The following BTRC variants were observed in gnomAD, a reference collection of about 807,000 sequenced individuals.
The protein encoded by BTRC is beta-transducin repeat containing E3 ubiquitin protein ligase.
In BTRC, 42 loss-of-function variants were observed where a neutral mutation model predicts 85.5. That is an observed-to-expected ratio of 0.49 (90% CI 0.38 to 0.64). The LOEUF is 0.64. BTRC is among the 30% of genes least tolerant of loss of function. BTRC has a pLI of 0.00. For missense variants in BTRC, 594 were observed against 743.5 expected, an observed-to-expected ratio of 0.80 and a Z score of 2.34; for synonymous variants, 255 against 263.3, an observed-to-expected ratio of 0.97 and a Z score of 0.30.
At chr10:101,436,700 C>G (rs1944542472) in intron 2 of BTRC, among the ~76,000 whole-genome samples, 1 of 152,026 alleles carries the variant, frequency 6.6e-6, no homozygotes, top group Non-Finnish European at 1.5e-5. Context: ...CTTTAGCTAT[C>G]AAGTGTAACC....
chr10:101,380,297 C>A (rs1942895929), intron 1 of BTRC, among the ~76,000 whole-genome samples: 1 of 151,592 alleles, frequency 6.6e-6, no homozygotes, highest in Non-Finnish European at 1.5e-5. Context: ...ATAAATAGAG[C>A]AAATATTTTG....
At chr10:101,378,968 T>A (rs1406757565) in intron 1 of BTRC, among the ~76,000 whole-genome samples, 1 of 152,234 alleles carries the variant, frequency 6.6e-6, no homozygotes, top group Non-Finnish European at 1.5e-5. Flanking sequence ...CATTGATGTA[T>A]CTGTTTTTAA....
At chr10:101,494,958 A>G (rs75538575) in intron 4 of BTRC, among the ~76,000 whole-genome samples, 2,662 of 152,306 alleles carry the variant, frequency 0.017, 74 homozygotes, top group East Asian at 0.063. Flanking sequence ...GTTTACAAGC[A>G]TAGGAAGAGA....
intron 2 of BTRC, among the ~76,000 whole-genome samples, chr10:101,438,403 C>T (rs759322466): frequency 9.2e-5 from 10 of 108,282 alleles, no homozygotes; most frequent in Middle Eastern, 0.012. Context: ...CCAGCCTGGG[C>T]GACAGAGCGA....
intron 1 of BTRC, among the ~76,000 whole-genome samples, chr10:101,402,308 G>A (rs1215528905): frequency 6.6e-6 from 1 of 152,152 alleles, no homozygotes; most frequent in Non-Finnish European, 1.5e-5. Flanking sequence ...GCTCTACAAA[G>A]CAGTAGAAAT....
chr10:101,370,625 C>CT (rs1942607453), intron 1 of BTRC, among the ~76,000 whole-genome samples: 1 of 151,170 alleles, frequency 6.6e-6, no homozygotes, highest in Admixed American at 6.6e-5. Context: ...CCCTCCCTCC[C>CT]TTTCTCCCAT....
At chr10:101,407,264 CTT>C (rs1439887172) in intron 1 of BTRC, among the ~76,000 whole-genome samples, 1 of 152,122 alleles carries the variant, frequency 6.6e-6, no homozygotes, top group Non-Finnish European at 1.5e-5. Context: ...AGGAGGATCT[CTT>C]GAGCTCAGGA....
At chr10:101,472,244 C>T (rs1249378618) in intron 3 of BTRC, among the ~76,000 whole-genome samples, 1 of 151,160 alleles carries the variant, frequency 6.6e-6, no homozygotes. Context: ...CCTTCCTTCC[C>T]CTTCCTTCCT....
chr10:101,495,448 A>G (rs1341627144), intron 4 of BTRC, among the ~76,000 whole-genome samples: 1 of 152,178 alleles, frequency 6.6e-6, no homozygotes, highest in South Asian at 2.1e-4. Context: ...AAATCACCGT[A>G]TTGCATTTAA....
intron 3 of BTRC, among the ~76,000 whole-genome samples, chr10:101,472,275 CTCTCTTCTCTTCTCTTCTCT>C (rs57342908): frequency 2.9e-4 from 33 of 114,244 alleles, no homozygotes; most frequent in African/African-American, 6.7e-4. Context: ...TTTTCTTTTC[CTCTCTTCTCTTCTCTTCTCT>C]TCTCTTCTCT....
chr10:101,417,511 T>A (rs757356574), intron 1 of BTRC, among the ~76,000 whole-genome samples: 4 of 152,242 alleles, frequency 2.6e-5, no homozygotes, highest in Non-Finnish European at 5.9e-5. Flanking sequence ...TTTCTTCCAA[T>A]ATTAGTGATA....
chr10:101,496,353 A>G (rs1344990820), intron 4 of BTRC, among the ~76,000 whole-genome samples: 12 of 152,184 alleles, frequency 7.9e-5, no homozygotes, highest in Admixed American at 2.0e-4. Flanking sequence ...GGTGTTGTCT[A>G]CCTTTTTCAT....
Position 101,538,286 on chromosome 10 carries a change from T to C in BTRC, c.1578-7T>C, listed in dbSNP as rs2062416304. 1 of 1,613,268 alleles carries C rather than the reference T, an allele frequency of 6.2e-7. No homozygotes were observed. The highest frequency in any genetic ancestry group is 8.5e-7 in the Non-Finnish European group (1 of 1,179,192). The stretch of plus-strand genomic sequence containing the variant: ...ACTAACATTTTTGTCCCCTTTTTGA[T>C]CTTTAGAAAAATTAAAGTGTGGGAT... On this transcript the variant is annotated splice_region_variant and splice_polypyrimidine_tract_variant and intron_variant, in intron 12 of 14. Transcript: ENST00000370187.
chr10:101,445,247 T>G (rs930713703), intron 2 of BTRC, among the ~76,000 whole-genome samples: 1 of 152,172 alleles, frequency 6.6e-6, no homozygotes, highest in Non-Finnish European at 1.5e-5. Flanking sequence ...GATTGTATAT[T>G]TGTAGGAGTA....
At chr10:101,540,128 G>T (rs1161962873) in intron 13 of BTRC, among the ~76,000 whole-genome samples, 1 of 152,144 alleles carries the variant, frequency 6.6e-6, no homozygotes, top group Non-Finnish European at 1.5e-5. Flanking sequence ...TTAATTTTAA[G>T]TCTACTGCAT....
At chr10:101,535,541 C>A in intron 11 of BTRC, 69 bp downstream of exon 11, 1 of 1,032,192 alleles carries the variant, frequency 9.7e-7, no homozygotes, top group South Asian at 1.7e-5. Flanking sequence ...ATGCACAGAT[C>A]ATACAAGTCT....
At chr10:101,363,466 T>TGTTTTTG (rs199984817) in intron 1 of BTRC, among the ~76,000 whole-genome samples, 16 of 132,706 alleles carry the variant, frequency 1.2e-4, no homozygotes, top group Admixed American at 8.9e-4. Flanking sequence ...TTTTTGTTTT[T>TGTTTTTG]TCTTTTTTTT....
Position 101,367,215 on chromosome 10 carries a change from C to T in BTRC, c.48+12987C>T, listed in dbSNP as rs939102192. 2.2e-3 allele frequency among the ~76,000 whole-genome samples: 324 copies of T among 148,178 alleles called. 3 individuals are homozygous for T. The highest frequency in any genetic ancestry group is 7.4e-3 in the African/African-American group (297 of 40,260). On this transcript the variant is annotated intron_variant, in intron 1 of 14. Coordinates refer to ENST00000370187, the MANE Select transcript of BTRC (RefSeq NM_033637.4). ...CCTCCCCAGTGGCTGGGACTACATG[C>T]GCGCACCACCACGCCAGCTAATTTT... is the stretch of plus-strand genomic sequence containing the variant.
chr10:101,532,618 G>C (rs1448949357), intron 8 of BTRC, among the ~76,000 whole-genome samples, 186 bp downstream of exon 8: 1 of 151,996 alleles, frequency 6.6e-6, no homozygotes, highest in Non-Finnish European at 1.5e-5. Flanking sequence ...CTATACAAAC[G>C]GGTAGTCCTA....
Sources: gnomAD v4.1 joint callset for allele counts (sites outside exome capture counted in the v4.1 genomes callset) on GRCh38, gnomAD v4.1.1 for gene constraint, MANE v1.5 for transcripts, NCBI Gene and HGNC (gene_info 2026-07-23, HGNC 2026-07-21) for gene names.